Variants in SEC16B observed in about 807,000 individuals in gnomAD.
SEC16B encodes the protein SEC16 homolog B, endoplasmic reticulum export factor, also known as protein transport protein Sec16B.
A neutral mutation model predicts 141.8 loss-of-function variants in SEC16B; 115 were observed. The ratio of observed to expected loss-of-function variants is 0.81; its 90% CI spans 0.70 to 0.95. The LOEUF (loss-of-function observed/expected upper bound fraction) is 0.95. Among genes scored for constraint, SEC16B ranks in the 40% least tolerant of loss-of-function variants. The pLI, the probability that SEC16B is intolerant of heterozygous loss-of-function variation, is 0.00. For synonymous variants in SEC16B, 493 were observed against 492.5 expected, an observed-to-expected ratio of 1.00 and a Z score of -0.01; for missense variants, 1,291 against 1,312.3, an observed-to-expected ratio of 0.98 and a Z score of 0.25.
At position 177,949,429 on chromosome 1, in the gene SEC16B, C is replaced by CACACACACAA. The variant is rs1491561749; in HGVS notation, c.1546-1488_1546-1487insTTGTGTGTGT. Among the ~76,000 whole-genome samples, 294 of 139,236 alleles carry CACACACACAA rather than the reference C, an allele frequency of 2.1e-3. 1 individual carries two copies. Among genetic ancestry groups the CACACACACAA allele is most frequent in the African/African-American group, 7.6e-3 (282 of 37,292 alleles). The allele number at this position is 139,236 out of a possible 152,430, so 91.3% of individuals were successfully genotyped here. On this transcript the variant is annotated intron_variant, in intron 12 of 25. Transcript: ENST00000308284. ...ACACACACACACACACACACACACA[C>CACACACACAA]AAAGAAAAACTTAGAGGTCATTATT...
chr1:177,935,515 CAT>C (rs2101904885), intron 20 of SEC16B, among the ~76,000 whole-genome samples: 1 of 151,836 alleles, frequency 6.6e-6, no homozygotes, highest in East Asian at 1.9e-4. Context: ...TACAGATATA[CAT>C]ATATGTGAGT....
intron 11 of SEC16B, 27 bp from the exon 12 acceptor site, chr1:177,952,022 G>C (rs1194934665): frequency 7.0e-6 from 11 of 1,572,560 alleles, no homozygotes; most frequent in Non-Finnish European, 9.5e-6. Context: ...AGTCAGCGAG[G>C]ACCAAGCCCA....
chr1:177,968,821 T>A (rs1177617780), intron 1 of SEC16B, among the ~76,000 whole-genome samples: 1 of 152,158 alleles, frequency 6.6e-6, no homozygotes, highest in African/African-American at 2.4e-5. Flanking sequence ...AAATTTGGGA[T>A]TGTTTTCATA....
Position 177,929,926 on chromosome 1 carries a change from G to T in SEC16B, c.3115C>A (p.Pro1039Thr), listed in dbSNP as rs1461936772. The change falls in exon 26 of 26, where the codon CCC (proline) becomes ACC (threonine). Residue 1039 changes from proline (P) to threonine (T), a missense_variant. Physicochemically the swap from Pro to Thr is conservative, Grantham distance 38. Coordinates refer to ENST00000308284, the MANE Select transcript of SEC16B (RefSeq NM_033127.4). Reference protein sequence around the residue: ...LYNPSQVPQLPTATSLNRPNR... With the variant: ...LYNPSQVPQLTTATSLNRPNR... ...GGCCGATTCAGGCTAGTGGCCGTGG[G>T]CAGCTGGAAAAGAAGAACAAATATT... The T allele has an allele frequency of 1.9e-6, 3 of 1,613,652 alleles. No individual in the cohort carries two copies. Among genetic ancestry groups the T allele is most frequent in the African/African-American group, 1.3e-5 (1 of 74,916 alleles).
chr1:177,979,276 T>A (rs1234927965), intron 1 of SEC16B, among the ~76,000 whole-genome samples: 4 of 152,234 alleles, frequency 2.6e-5, no homozygotes, highest in African/African-American at 2.4e-5. Context: ...TAGATAGATA[T>A]TAAATCATAA....
rs372904665 is a variant in SEC16B at position 177,933,282 on chromosome 1, G to A, written c.2755C>T (p.Arg919Ter). 21 of 1,599,282 alleles carry A rather than the reference G, an allele frequency of 1.3e-5. No individual in the cohort carries two copies. Among genetic ancestry groups the A allele is most frequent in the Admixed American group, 5.2e-5 (3 of 57,884 alleles). Residue 919 changes from arginine to a stop codon, truncating the protein, a stop_gained, in exon 22 of 26, where the codon CGA (arginine) becomes TGA (stop). Transcript: ENST00000308284. LOFTEE classifies it high-confidence loss of function. ...GATGCGTTCTTGGTGGGCTTCGATCGAAACCAGCTGAACCAGCCAAACCCT... is the reference window on the plus strand; with the variant it reads ...GATGCGTTCTTGGTGGGCTTCGATCAAAACCAGCTGAACCAGCCAAACCCT... ...SSGFGWFSWF[R>*]SKPTKNASPA...
chr1:177,944,102 C>A (rs548939332), intron 15 of SEC16B, among the ~76,000 whole-genome samples: 1 of 152,110 alleles, frequency 6.6e-6, no homozygotes, highest in Non-Finnish European at 1.5e-5. Context: ...AGGGTGAGGG[C>A]GGAGGTAGAG....
At chr1:177,963,388 A>G (rs1395015271) in intron 5 of SEC16B, among the ~76,000 whole-genome samples, 1 of 151,848 alleles carries the variant, frequency 6.6e-6, no homozygotes, top group Non-Finnish European at 1.5e-5. Flanking sequence ...GTGGATCACA[A>G]GGTCAGGAGT....
chr1:177,929,563 G>T lies in SEC16B; in HGVS notation c.*295C>A, dbSNP rs1650260693. Reference sequence around the variant, plus strand: ...GCCCTAATTTCCCCAAGGCTCTCAAGCCACCACCATAAGTGCCACCACCAT... The same window carrying T: ...GCCCTAATTTCCCCAAGGCTCTCAATCCACCACCATAAGTGCCACCACCAT... On this transcript the variant is annotated 3_prime_UTR_variant, in exon 26 of 26. Coordinates refer to ENST00000308284, the MANE Select transcript of SEC16B (RefSeq NM_033127.4). The T allele has an allele frequency of 2.6e-6, 1 of 380,976 alleles. No homozygotes were observed. The highest frequency in any genetic ancestry group is 4.9e-5 in the East Asian group (1 of 20,286). 23.6% of individuals were successfully genotyped at this position (380,976 alleles called of 1,614,324 possible). A position where few individuals can be genotyped will look rare whatever the true frequency, so the allele number is the denominator to read the frequency against.
At chr1:177,981,333 C>T (rs948494995) in intron 1 of SEC16B, among the ~76,000 whole-genome samples, 6 of 152,024 alleles carry the variant, frequency 3.9e-5, no homozygotes, top group African/African-American at 1.4e-4. Context: ...AGTCTTGCAT[C>T]TCCCTGGCCA....
chr1:177,947,710 A>G, intron 13 of SEC16B, 115 bp downstream of exon 13: 2 of 556,396 alleles, frequency 3.6e-6, no homozygotes, highest in Admixed American at 2.8e-5. Flanking sequence ...GGAGGTGAGG[A>G]GAGGGAGGGG....
At chr1:177,945,312 TA>T (rs1008584473) in intron 14 of SEC16B, 1 of 152,250 alleles carries the variant, frequency 6.6e-6, no homozygotes, top group Non-Finnish European at 1.5e-5. Context: ...CTATGGTGTT[TA>T]AAAACCACAA....
At chr1:177,950,140 C>T (rs1652053899) in intron 12 of SEC16B, among the ~76,000 whole-genome samples, 2 of 109,854 alleles carry the variant, frequency 1.8e-5, no homozygotes, top group Non-Finnish European at 3.6e-5. Flanking sequence ...AGCCACAAGC[C>T]ATAAGAAGGA....
rs1650265360 is a variant in SEC16B, at chr1:177,929,656, T to C, written c.*202A>G. 1.7e-6 allele frequency: 1 copy of C among 587,884 alleles called. No individual in the cohort carries two copies. Among genetic ancestry groups the C allele is most frequent in the Non-Finnish European group, 3.1e-6 (1 of 327,040 alleles). The allele number at this position is 587,884 out of a possible 1,614,324, so 36.4% of individuals were successfully genotyped here. The stretch of plus-strand genomic sequence containing the variant: ...CCACCTGATGAAATAATTTCCATCA[T>C]TGTGAAGCTAATCTTAAGAGACTGA... On this transcript the variant is annotated 3_prime_UTR_variant, in exon 26 of 26. Transcript: ENST00000308284.
At position 177,982,990 on chromosome 1, in the gene SEC16B, G is replaced by A. The variant is rs188151461; in HGVS notation, c.-59+1216C>T. On this transcript the variant is annotated intron_variant and NMD_transcript_variant, in intron 1 of 24. Coordinates refer to the SEC16B transcript ENST00000528461. The stretch of plus-strand genomic sequence containing the variant: ...ACCTATCAACATTACACTGTAAATG[G>A]GCCCATTTAGGAGAATCCTTCAAGT... Among the ~76,000 whole-genome samples the A allele has an allele frequency of 2.2e-3, 327 of 152,092 alleles. 4 individuals carry two copies. Among genetic ancestry groups the A allele is most frequent in the African/African-American group, 7.2e-3 (300 of 41,496 alleles).
rs1653413238 is a variant in SEC16B, at chr1:177,965,128, T to C, written c.452A>G (p.Tyr151Cys). The C allele has an allele frequency of 1.2e-6, 2 of 1,613,536 alleles. No individual in the cohort carries two copies. The highest frequency in any genetic ancestry group is 2.7e-5 in the African/African-American group (2 of 74,920). Reference protein sequence around the residue: ...QRSPYIWHEDYREQKYLDEHH... With the variant: ...QRSPYIWHEDCREQKYLDEHH... ...TTCATCAAGGTACTTTTGCTCTCGGTAATCTTCGTGCCAGATATAAGGACT... is the reference window on the plus strand; with the variant it reads ...TTCATCAAGGTACTTTTGCTCTCGGCAATCTTCGTGCCAGATATAAGGACT... Residue 151 changes from tyrosine (Y) to cysteine (C), a missense_variant, in exon 4 of 26, where the codon TAC becomes TGC. Around this residue, in one of 3 missense-constraint regions of SEC16B, gnomAD observed 681 missense variants for 675.5 expected, o/e 1.01. Transcript: ENST00000308284.
chr1:177,949,051 G>A (rs1651962335), intron 12 of SEC16B, among the ~76,000 whole-genome samples: 1 of 152,022 alleles, frequency 6.6e-6, no homozygotes, highest in South Asian at 2.1e-4. Context: ...TAATAACTAA[G>A]ATTTGGAGTT....
rs776148451 is a variant in SEC16B at position 177,933,581 on chromosome 1, T to C, written c.2627A>G (p.Lys876Arg). Residue 876 changes from lysine (K) to arginine (R), a missense_variant, in exon 21 of 26, where the codon AAG (lysine) becomes AGG (arginine). This residue lies in a region of SEC16B where 605 missense variants were observed against 614.1 expected (regional missense o/e 0.99). Coordinates refer to ENST00000308284, the MANE Select transcript of SEC16B (RefSeq NM_033127.4). ...SISESSASSA[K>R]EDEKESSDEA... Reference sequence around the variant, plus strand: ...ATCAGAGGACTCCTTCTCATCCTCCTTGGCTGAACTGGCGGAACTCTCAGA... The same window carrying C: ...ATCAGAGGACTCCTTCTCATCCTCCCTGGCTGAACTGGCGGAACTCTCAGA... 6.8e-6 allele frequency: 11 copies of C among 1,613,832 alleles called. No individual in the cohort carries two copies. The highest frequency in any genetic ancestry group is 1.6e-4 in the Middle Eastern group (1 of 6,084).
chr1:177,961,776 G>A, intron 5 of SEC16B, 42 bp from the exon 6 acceptor site: 1 of 1,593,554 alleles, frequency 6.3e-7, no homozygotes, highest in Non-Finnish European at 8.6e-7. Context: ...AAGTTTCAGA[G>A]AGCTGGTCTT....
Sources: gnomAD v4.1 joint callset for allele counts (sites outside exome capture counted in the v4.1 genomes callset) on GRCh38, gnomAD v4.1.1 for gene constraint, gnomAD v4.1.1 regional missense constraint, MANE v1.5 for transcripts, NCBI Gene and HGNC (gene_info 2026-07-23, HGNC 2026-07-21) for gene names.